Variants in MTX1 observed in about 807,000 individuals in gnomAD.
The protein encoded by MTX1 is metaxin 1.
Under a neutral mutation model 39.4 loss-of-function variants are expected in MTX1, and 20 were observed. The observed-to-expected ratio is 0.51, with a 90% CI of 0.36 to 0.74. The LOEUF (loss-of-function observed/expected upper bound fraction) is 0.74. Among genes scored for constraint, MTX1 ranks in the 30% least tolerant of loss-of-function variants. The probability of loss-of-function intolerance (pLI) is 0.00; values close to 1 mark genes in which losing one functional copy is unlikely to be tolerated. For missense variants in MTX1, 481 were observed against 485.9 expected (o/e 0.99, Z 0.10); for synonymous variants, 209 against 198.6 (o/e 1.05, Z -0.44).
In MTX1 at chr1:155,208,981, GCGC is replaced by G. The variant is rs761274486; in HGVS notation, c.180_182del (p.Arg61del). The G allele has an allele frequency of 6.2e-7, 1 of 1,605,602 alleles. No individual in the cohort carries two copies. Among genetic ancestry groups the G allele is most frequent in the South Asian group, 1.1e-5 (1 of 90,076 alleles). ...GGGTTCGGGGCTCCACTTGGACGAG[GCGC>G]CGTGACTCTCCGAGGCGCGCCGGGC... On this transcript the variant is annotated inframe_deletion, in exon 1 of 8. Coordinates refer to ENST00000368376, the MANE Select transcript of MTX1 (RefSeq NM_002455.5).
At position 155,208,968 on chromosome 1, in the gene MTX1, C is replaced by G; in HGVS notation, c.164C>G (p.Ser55Cys). Residue 55 changes from serine (S) to cysteine (C), a missense_variant, in exon 1 of 8, where the codon TCC (serine) becomes TGC (cysteine). Physicochemically the swap from Ser to Cys is moderately radical, Grantham distance 112. Transcript: ENST00000368376. ...EPAAPSGVRG[S>C]TWTRRRDSPR... ...GCCGCGCCTTCAGGGGTTCGGGGCT[C>G]CACTTGGACGAGGCGCCGTGACTCT... The G allele has an allele frequency of 6.2e-7, 1 of 1,607,668 alleles. No homozygotes were observed. The highest frequency in any genetic ancestry group is 1.1e-5 in the South Asian group (1 of 90,334).
Position 155,209,005 on chromosome 1 carries a change from C to A in MTX1, c.201C>A (p.Ala67=). 6.3e-7 allele frequency: 1 copy of A among 1,593,668 alleles called. No homozygotes were observed. Among genetic ancestry groups the A allele is most frequent in the Non-Finnish European group, 8.5e-7 (1 of 1,171,804 alleles). ...GGCGCCGTGACTCTCCGAGGCGCGC[C>A]GGGCCGACAGCGCTGTCCCGCTACG... The part of the protein sequence containing the change: ...WTRRRDSPRR[A]GPTALSRYVG... The change falls in exon 1 of 8, where the codon GCC becomes GCA. Residue 67 remains alanine, a synonymous_variant. Coordinates refer to ENST00000368376, the MANE Select transcript of MTX1 (RefSeq NM_002455.5).
chr1:155,209,922 C>T (rs1231588462), intron 1 of MTX1, among the ~76,000 whole-genome samples: 2 of 152,142 alleles, frequency 1.3e-5, no homozygotes, highest in African/African-American at 2.4e-5. Flanking sequence ...TTCCTCCCTT[C>T]GAGTTTACAG....
chr1:155,212,155 C>A lies in MTX1; in HGVS notation c.707C>A (p.Ala236Asp), dbSNP rs199762376. The A allele has an allele frequency of 3.7e-5, 59 of 1,611,606 alleles. No individual in the cohort carries two copies. Among genetic ancestry groups the A allele is most frequent in the Non-Finnish European group, 1.7e-6 (2 of 1,178,746 alleles). Residue 236 changes from alanine (A) to aspartate (D), a missense_variant, in exon 4 of 8, where the codon GCT becomes GAT. Transcript: ENST00000368376. ...TACAATGCTGATTATGATCTGTCAGCTCGGCAAGGGGCAGACACCCTGGCC... is the reference window on the plus strand; with the variant it reads ...TACAATGCTGATTATGATCTGTCAGATCGGCAAGGGGCAGACACCCTGGCC... ...EKYNADYDLS[A>D]RQGADTLAFM...
Position 155,208,775 on chromosome 1 carries a change from C to T in MTX1, c.-30C>T. 6.8e-7 allele frequency: 1 copy of T among 1,471,062 alleles called. No individual in the cohort carries two copies. Among genetic ancestry groups the T allele is most frequent in the Non-Finnish European group, 9.0e-7 (1 of 1,107,936 alleles). The allele number at this position is 1,471,062 out of a possible 1,614,324, so 91.1% of individuals were successfully genotyped here. A position where few individuals can be genotyped will look rare whatever the true frequency, so the allele number is the denominator to read the frequency against. ...TCCATGGCGACAGGCGGCGCAGGGC[C>T]CGCTCCAAACATAACGCGCTGTGGA... On this transcript the variant is annotated 5_prime_UTR_variant, in exon 1 of 8. Coordinates refer to ENST00000368376, the MANE Select transcript of MTX1 (RefSeq NM_002455.5).
intron 1 of MTX1, 31 bp downstream of exon 1, chr1:155,209,363 G>A (rs1470830345): frequency 2.2e-6 from 3 of 1,393,348 alleles, no homozygotes; most frequent in African/African-American, 1.5e-5. Context: ...CCTCTGCTGT[G>A]CCCTGATGAC....
Position 155,212,309 on chromosome 1 carries a change from G to A in MTX1, c.772-76G>A, listed in dbSNP as rs1223822691. On this transcript the variant is annotated intron_variant, in intron 4 of 7. Coordinates refer to ENST00000368376, the MANE Select transcript of MTX1 (RefSeq NM_002455.5). ...CACACACAGGCTCAGGAAAGCATGG[G>A]GGTCAGAAGCCCACCTTGAATCAGA... 19 of 1,599,522 alleles carry A rather than the reference G, an allele frequency of 1.2e-5. No homozygotes were observed. The highest frequency in any genetic ancestry group is 5.3e-5 in the African/African-American group (4 of 74,812).
At chr1:155,212,799 T>G (rs1362413323) in intron 6 of MTX1, 29 bp downstream of exon 6, 1 of 1,531,612 alleles carries the variant, frequency 6.5e-7, no homozygotes, top group East Asian at 2.4e-5. Context: ...GGGTAATGGG[T>G]GGCTTGGAAG....
At chr1:155,213,063 C>T (rs1294505217) in intron 6 of MTX1, among the ~76,000 whole-genome samples, 174 bp from the exon 7 acceptor site, 1 of 151,216 alleles carries the variant, frequency 6.6e-6, no homozygotes, top group African/African-American at 2.4e-5. Context: ...GCCAGGCTGG[C>T]GCCACCTGGG....
At chr1:155,212,330 T>C in intron 4 of MTX1, 55 bp from the exon 5 acceptor site, 1 of 1,606,262 alleles carries the variant, frequency 6.2e-7, no homozygotes, top group Non-Finnish European at 8.5e-7. Context: ...CCACCTTGAA[T>C]CAGACAGGTG....
At position 155,210,572 on chromosome 1, in the gene MTX1, G is replaced by C. The variant is rs1671095771; in HGVS notation, c.623G>C (p.Ser208Thr). Residue 208 changes from serine (S) to threonine (T), a missense_variant, in exon 3 of 8, where the codon AGT becomes ACT. Coordinates refer to ENST00000368376, the MANE Select transcript of MTX1 (RefSeq NM_002455.5). Reference sequence around the variant, plus strand: ...GGAACTCTGCCTGCCCTTCGGACCAGTCATGGAGAGGTCATCTCAGTTCCA... The same window carrying C: ...GGAACTCTGCCTGCCCTTCGGACCACTCATGGAGAGGTCATCTCAGTTCCA... Reference protein sequence around the residue: ...PSGTLPALRTSHGEVISVPHK... With the variant: ...PSGTLPALRTTHGEVISVPHK... The C allele has an allele frequency of 1.2e-6, 2 of 1,614,220 alleles. No individual in the cohort carries two copies. The highest frequency in any genetic ancestry group is 2.2e-5 in the South Asian group (2 of 91,084).
rs1480266196 is a variant in MTX1, at chr1:155,208,963, G to A, written c.159G>A (p.Arg53=). ...SPEPAAPSGV[R]GSTWTRRRDS... ...AGCCTGCCGCGCCTTCAGGGGTTCG[G>A]GGCTCCACTTGGACGAGGCGCCGTG... The change falls in exon 1 of 8, where the codon CGG becomes CGA. Residue 53 remains arginine, a synonymous_variant. Transcript: ENST00000368376. 2 of 1,608,486 alleles carry A rather than the reference G, an allele frequency of 1.2e-6. No homozygotes were observed. The highest frequency in any genetic ancestry group is 1.7e-6 in the Non-Finnish European group (2 of 1,178,614).
chr1:155,208,981 G>A lies in MTX1; in HGVS notation c.177G>A (p.Arg59=). 1 of 1,605,602 alleles carries A rather than the reference G, an allele frequency of 6.2e-7. No individual in the cohort carries two copies. The highest frequency in any genetic ancestry group is 1.7e-5 in the Admixed American group (1 of 59,162). ...GGGTTCGGGGCTCCACTTGGACGAG[G>A]CGCCGTGACTCTCCGAGGCGCGCCG... ...PSGVRGSTWT[R]RRDSPRRAGP... The change falls in exon 1 of 8, where the codon AGG becomes AGA. Residue 59 remains arginine, a synonymous_variant. Transcript: ENST00000368376.
chr1:155,212,892 A>G, intron 6 of MTX1, 122 bp downstream of exon 6: 1 of 1,488,032 alleles, frequency 6.7e-7, no homozygotes, highest in South Asian at 1.3e-5. Flanking sequence ...TCCCTGGGAT[A>G]GAAACTGGCC....
rs758177373 is a variant in MTX1, at chr1:155,210,550, A to G, written c.601A>G (p.Thr201Ala). 6 of 1,613,966 alleles carry G rather than the reference A, an allele frequency of 3.7e-6. No individual in the cohort carries two copies. Among genetic ancestry groups the G allele is most frequent in the Non-Finnish European group, 5.1e-6 (6 of 1,179,948 alleles). ...ISNPWQSPSG[T>A]LPALRTSHGE... ...GTATACTTCCCTCTCAATATCAGGA[A>G]CTCTGCCTGCCCTTCGGACCAGTCA... The change falls in exon 3 of 8, where the codon ACT (threonine) becomes GCT (alanine). Residue 201 changes from threonine (T) to alanine (A), a missense_variant and splice_region_variant. Physicochemically the swap from Thr to Ala is moderately conservative, Grantham distance 58. Transcript: ENST00000368376.
At chr1:155,210,485 G>A (rs1271469970) in intron 2 of MTX1, 63 bp from the exon 3 acceptor site, 2 of 1,605,950 alleles carry the variant, frequency 1.2e-6, no homozygotes, top group East Asian at 2.2e-5. Flanking sequence ...GCAGGAATGT[G>A]TTGCAACTAT....
rs1212817354 is a variant in MTX1, at chr1:155,209,013, C to T, written c.209C>T (p.Thr70Ile). 6.3e-7 allele frequency: 1 copy of T among 1,586,544 alleles called. No individual in the cohort carries two copies. Among genetic ancestry groups the T allele is most frequent in the Non-Finnish European group, 8.6e-7 (1 of 1,167,782 alleles). ...GACTCTCCGAGGCGCGCCGGGCCGA[C>T]AGCGCTGTCCCGCTACGTGGGCCAC... is the stretch of plus-strand genomic sequence containing the variant. ...RRDSPRRAGP[T>I]ALSRYVGHLW... The change falls in exon 1 of 8, where the codon ACA (threonine) becomes ATA (isoleucine). Residue 70 changes from threonine (T) to isoleucine (I), a missense_variant. Around this residue, in one of 2 missense-constraint regions of MTX1, gnomAD observed 368 missense variants for 332.8 expected, o/e 1.11. Transcript: ENST00000368376.
chr1:155,209,022 C>A lies in MTX1; in HGVS notation c.218C>A (p.Ser73Tyr), dbSNP rs369692343. ...SPRRAGPTAL[S>Y]RYVGHLWMGR... The stretch of plus-strand genomic sequence containing the variant: ...AGGCGCGCCGGGCCGACAGCGCTGT[C>A]CCGCTACGTGGGCCACCTCTGGATG... Residue 73 changes from serine (S) to tyrosine (Y), a missense_variant, in exon 1 of 8, where the codon TCC becomes TAC. Ser to Tyr is a moderately radical substitution (Grantham distance 144). Transcript: ENST00000368376. 5.7e-6 allele frequency: 9 copies of A among 1,576,400 alleles called. No homozygotes were observed. The highest frequency in any genetic ancestry group is 6.9e-6 in the Non-Finnish European group (8 of 1,162,330).
chr1:155,210,268 A>G, intron 1 of MTX1, 78 bp from the exon 2 acceptor site: 5 of 1,281,920 alleles, frequency 3.9e-6, no homozygotes, highest in Non-Finnish European at 4.5e-6. Flanking sequence ...AAGGTATTCA[A>G]TAAATGTTAT....
Sources: allele counts gnomAD v4.1 joint callset (sites outside exome capture counted in the v4.1 genomes callset), GRCh38; gene constraint gnomAD v4.1.1; regional missense constraint gnomAD v4.1.1; transcripts MANE v1.5; gene names NCBI Gene and HGNC (gene_info 2026-07-23, HGNC 2026-07-21).